TJP1: variants seen among roughly 807,000 people sequenced by gnomAD.
TJP1 encodes the protein tight junction protein ZO-1.
A neutral mutation model predicts 194.2 loss-of-function variants in TJP1; 43 were observed. The observed-to-expected ratio is 0.22, with a 90% CI of 0.17 to 0.29. The LOEUF (loss-of-function observed/expected upper bound fraction) is 0.29. Among genes scored for constraint, TJP1 ranks in the 10% least tolerant of loss-of-function variants. The pLI, the probability that TJP1 is intolerant of heterozygous loss-of-function variation, is 1.00. For missense variants in TJP1, 1,971 were observed against 2,185.7 expected, an observed-to-expected ratio of 0.90 and a Z score of 1.96; for synonymous variants, 801 against 779.0, an observed-to-expected ratio of 1.03 and a Z score of -0.47.
chr15:29,889,061 G>A (rs2053219253), intron 2 of TJP1, among the ~76,000 whole-genome samples: 1 of 152,196 alleles, frequency 6.6e-6, no homozygotes, highest in Non-Finnish European at 1.5e-5. Context: ...ACAACTCTGG[G>A]AAGATAAATA....
intron 1 of TJP1, among the ~76,000 whole-genome samples, chr15:29,803,321 A>G (rs1228711692): frequency 6.6e-6 from 1 of 152,198 alleles, no homozygotes; most frequent in Non-Finnish European, 1.5e-5. Context: ...TGGTACCCAT[A>G]CAACCATTGT....
chr15:29,891,943 T>C lies in TJP1; in HGVS notation c.306+64289A>G, dbSNP rs545358274. On this transcript the variant is annotated intron_variant, in intron 2 of 28. Coordinates refer to the TJP1 transcript ENST00000356107. ...TCTAAGGGTTCAAGTAAAAGGTCCG[T>C]CATATTAAATCAAAAACTAGAAATG... Among the ~76,000 whole-genome samples the C allele has an allele frequency of 9.3e-4, 142 of 152,310 alleles. No individual in the cohort carries two copies. The Middle Eastern group carries it at 0.017, about 18-fold the overall frequency.
At chr15:29,951,109 C>A (rs1001860481) in intron 2 of TJP1, among the ~76,000 whole-genome samples, 7 of 152,074 alleles carry the variant, frequency 4.6e-5, no homozygotes, top group Non-Finnish European at 8.8e-5. Flanking sequence ...AATTTTTCAT[C>A]TTCGATATCT....
chr15:29,770,679 CA>C (rs60161755), intron 4 of TJP1, among the ~76,000 whole-genome samples: 2,129 of 141,838 alleles, frequency 0.015, 51 homozygotes, highest in African/African-American at 0.053. Context: ...GACTCTGTCT[CA>C]AAAAAAAAAA....
At chr15:29,713,706 A>G (rs1352321917) in intron 23 of TJP1, among the ~76,000 whole-genome samples, 2 of 152,216 alleles carry the variant, frequency 1.3e-5, no homozygotes, top group Non-Finnish European at 2.9e-5. Context: ...ATTACAAGGG[A>G]AACTTACAGA....
intron 1 of TJP1, among the ~76,000 whole-genome samples, chr15:29,967,579 G>C (rs186806109): frequency 4.6e-5 from 7 of 152,156 alleles, no homozygotes; most frequent in Non-Finnish European, 8.8e-5. Context: ...TGGCACAACT[G>C]AATTCTGAAC....
intron 1 of TJP1, among the ~76,000 whole-genome samples, 133 bp downstream of exon 1, chr15:29,821,840 GCCCGCGGCCCGCGGCCCGCGGCCCCGCGC>G (rs1485195634): frequency 8.7e-6 from 1 of 115,598 alleles, no homozygotes; most frequent in Non-Finnish European, 2.0e-5. Flanking sequence ...GCTCCCCGCG[GCCCGCGGCCCGCGGCCCGCGGCCCCGCGC>G]CAGCCCTGCC....
chr15:29,894,537 T>C (rs2053416744), intron 2 of TJP1, among the ~76,000 whole-genome samples: 2 of 152,190 alleles, frequency 1.3e-5, no homozygotes, highest in South Asian at 4.1e-4. Context: ...GTTGTGCGGC[T>C]ATAACAAAAT....
In TJP1 at chr15:29,822,058, C is replaced by G; in HGVS notation, c.-30G>C. 7.8e-7 allele frequency: 1 copy of G among 1,284,858 alleles called. No homozygotes were observed. Among genetic ancestry groups the G allele is most frequent in the East Asian group, 3.1e-5 (1 of 31,858 alleles). 79.6% of individuals were successfully genotyped at this position (1,284,858 alleles called of 1,614,324 possible). On this transcript the variant is annotated 5_prime_UTR_variant, in exon 1 of 28. Transcript: ENST00000614355. ...TCTCTCTCCAGCGCCGCGCGAGGCT[C>G]CTCGGACCCGAAACTCCGCGGCGCT...
chr15:29,942,185 T>C (rs1264009477), intron 2 of TJP1, among the ~76,000 whole-genome samples: 1 of 152,224 alleles, frequency 6.6e-6, no homozygotes, highest in Non-Finnish European at 1.5e-5. Flanking sequence ...TTCTTCTCAG[T>C]TCTGATGAAT....
chr15:29,884,712 G>A (rs186555013), intron 2 of TJP1, among the ~76,000 whole-genome samples: 49 of 152,228 alleles, frequency 3.2e-4, no homozygotes, highest in Admixed American at 2.5e-3. Flanking sequence ...CTAAGGCATC[G>A]ATGCTGTAGC....
intron 8 of TJP1, among the ~76,000 whole-genome samples, chr15:29,750,239 A>ATCTGCCCTCG (rs2045171968): frequency 6.6e-6 from 1 of 152,100 alleles, no homozygotes; most frequent in Non-Finnish European, 1.5e-5. Flanking sequence ...ATCTGCCCTC[A>ATCTGCCCTCG]TGATCAGCCC....
chr15:29,751,456 C>T (rs16955736), intron 8 of TJP1, among the ~76,000 whole-genome samples: 4,950 of 152,244 alleles, frequency 0.033, 275 homozygotes, highest in African/African-American at 0.11. Flanking sequence ...TGCTTCTCAT[C>T]TTAAACATTC....
Position 29,720,601 on chromosome 15 carries a change from A to G in TJP1, c.2520T>C (p.Thr840=), listed in dbSNP as rs763566026. Residue 840 remains threonine (T), a synonymous_variant, in exon 19 of 28, where the codon ACT becomes ACC. Coordinates refer to ENST00000614355, the MANE Select transcript of TJP1 (RefSeq NM_001330239.4). ...CTGTGTCTGTGTCTTCATAGTCAGA[A>G]GTGTGTCTACTGTCCGTGCTATACA... ...YSMYSTDSRH[T]SDYEDTDTEG... The G allele has an allele frequency of 6.2e-7, 1 of 1,614,154 alleles. No individual in the cohort carries two copies. The highest frequency in any genetic ancestry group is 8.5e-7 in the Non-Finnish European group (1 of 1,180,022).
At chr15:29,783,163 A>G (rs868687654) in intron 2 of TJP1, among the ~76,000 whole-genome samples, 4 of 152,128 alleles carry the variant, frequency 2.6e-5, no homozygotes, top group Non-Finnish European at 4.4e-5. Context: ...AATCCCAGCT[A>G]TTCAGGAGGC....
chr15:29,869,006 T>C (rs1187836931), intron 2 of TJP1, among the ~76,000 whole-genome samples: 2 of 152,090 alleles, frequency 1.3e-5, no homozygotes, highest in South Asian at 4.1e-4. Context: ...AGGTATACAA[T>C]AAAGGTATAT....
In TJP1 at chr15:29,968,860, G is replaced by A. The variant is rs761376155; in HGVS notation, c.-21C>T. 1.5e-3 allele frequency: 902 copies of A among 583,270 alleles called. 3 individuals carry two copies. Among genetic ancestry groups the A allele is most frequent in the Non-Finnish European group, 2.0e-3 (873 of 445,092 alleles). The allele number at this position is 583,270 out of a possible 1,614,324, so 36.1% of individuals were successfully genotyped here. The stretch of plus-strand genomic sequence containing the variant: ...CGCATAGATCAGCTCTGGGCCATCC[G>A]CCGCCACCACAGCTCCCACCGCTCC... On this transcript the variant is annotated 5_prime_UTR_variant, in exon 1 of 29. Coordinates refer to the TJP1 transcript ENST00000356107.
intron 2 of TJP1, among the ~76,000 whole-genome samples, chr15:29,864,324 T>C (rs1332571088): frequency 1.3e-5 from 2 of 149,128 alleles, no homozygotes; most frequent in Non-Finnish European, 3.0e-5. Context: ...GGAAGGAGAA[T>C]TGGGTGAACC....
At chr15:29,765,137 G>C (rs1348310438) in intron 5 of TJP1, among the ~76,000 whole-genome samples, 1 of 152,148 alleles carries the variant, frequency 6.6e-6, no homozygotes. Context: ...CATGTGAAAT[G>C]ATACTGAAAA....
Sources: gnomAD v4.1 joint callset for allele counts (sites outside exome capture counted in the v4.1 genomes callset) on GRCh38, gnomAD v4.1.1 for gene constraint, MANE v1.5 for transcripts, NCBI Gene and HGNC (gene_info 2026-07-23, HGNC 2026-07-21) for gene names.